The following LEKR1 variants were observed in gnomAD, a reference collection of about 807,000 sequenced individuals.
LEKR1 encodes protein LEKR1.
LEKR1 carries 59 observed loss-of-function variants against 72.4 expected under a neutral mutation model. That is an observed-to-expected ratio of 0.82 (90% CI 0.66 to 1.01). LEKR1 has a LOEUF of 1.01. Ranked by LOEUF, LEKR1 falls within the 50% of genes least tolerant of loss-of-function variation. The pLI is 0.00. For synonymous variants in LEKR1, 257 were observed against 263.2 expected (o/e 0.98, Z 0.23); for missense variants, 728 against 759.2 (o/e 0.96, Z 0.48).
At chr3:157,009,492 T>C (rs541811138) in intron 9 of LEKR1, among the ~76,000 whole-genome samples, 9 of 152,272 alleles carry the variant, frequency 5.9e-5, no homozygotes, top group Middle Eastern at 6.8e-3. Context: ...GTCAATTCCA[T>C]ATGAGCTGGA....
Position 157,017,948 on chromosome 3 carries a change from C to CAAAAAAAAAAAAAAAA in LEKR1, c.1203+6451_1203+6466dup, listed in dbSNP as rs58950224. ...TGGGCCACAGAGCGAGACTCTGTCT[C>CAAAAAAAAAAAAAAAA]AAAAAAAAAAAAAAAAAAAAAAAAG... On this transcript the variant is annotated intron_variant, in intron 10 of 12. Transcript: ENST00000356539. 4.9e-4 allele frequency among the ~76,000 whole-genome samples: 41 copies of CAAAAAAAAAAAAAAAA among 82,952 alleles called. 2 individuals carry two copies. The highest frequency in any genetic ancestry group is 2.8e-3 in the African/African-American group (38 of 13,798). 54.4% of individuals were successfully genotyped at this position (82,952 alleles called of 152,430 possible).
intron 7 of LEKR1, among the ~76,000 whole-genome samples, chr3:156,984,529 T>C (rs1730507353): frequency 6.6e-6 from 1 of 151,886 alleles, no homozygotes; most frequent in South Asian, 2.1e-4. Context: ...ATACAAAAAT[T>C]AGCCAGGCAT....
At chr3:156,868,904 G>A (rs914446972) in intron 3 of LEKR1, among the ~76,000 whole-genome samples, 12 of 151,694 alleles carry the variant, frequency 7.9e-5, no homozygotes, top group African/African-American at 2.2e-4. Flanking sequence ...CCATGAGATC[G>A]ACTTTTTTTG....
intron 1 of LEKR1, among the ~76,000 whole-genome samples, chr3:156,828,309 G>T (rs763031873): frequency 6.6e-6 from 1 of 152,072 alleles, no homozygotes; most frequent in Non-Finnish European, 1.5e-5. Context: ...TGTATGGCCG[G>T]GGTTGCTCTC....
intron 6 of LEKR1, among the ~76,000 whole-genome samples, chr3:156,968,418 G>A (rs1238998185): frequency 1.3e-5 from 2 of 152,124 alleles, no homozygotes; most frequent in African/African-American, 4.8e-5. Context: ...TCAAAATAAA[G>A]GGATGGAGGA....
At chr3:156,987,194 G>A (rs906601630) in intron 7 of LEKR1, among the ~76,000 whole-genome samples, 3 of 152,142 alleles carry the variant, frequency 2.0e-5, no homozygotes, top group Non-Finnish European at 2.9e-5. Flanking sequence ...AATGCTTAAA[G>A]AGATGTAGAC....
chr3:156,988,416 T>A lies in LEKR1; in HGVS notation c.828-4237T>A, dbSNP rs555015431. 1.4e-5 allele frequency: 3 copies of A among 218,900 alleles called. No individual in the cohort carries two copies. In the South Asian group the frequency reaches 2.6e-4, roughly 19 times the overall value. 13.6% of individuals were successfully genotyped at this position (218,900 alleles called of 1,614,324 possible). A position where few individuals can be genotyped will look rare whatever the true frequency, so the allele number is the denominator to read the frequency against. ...AGGGGATCCCAGTCATCGTGTCACC[T>A]GCAGGCAGCTGAGTCATGGCTTTTT... is the stretch of plus-strand genomic sequence containing the variant. On this transcript the variant is annotated intron_variant, in intron 7 of 12. Coordinates refer to ENST00000356539, the MANE Select transcript of LEKR1 (RefSeq NM_001004316.3).
In LEKR1 at chr3:156,979,269, T is replaced by A; in HGVS notation, c.821T>A (p.Met274Lys). 1 of 1,276,598 alleles carries A rather than the reference T, an allele frequency of 7.8e-7. No homozygotes were observed. Among genetic ancestry groups the A allele is most frequent in the South Asian group, 1.2e-5 (1 of 80,760 alleles). The allele number at this position is 1,276,598 out of a possible 1,614,324, so 79.1% of individuals were successfully genotyped here. A position where few individuals can be genotyped will look rare whatever the true frequency, so the allele number is the denominator to read the frequency against. ...AVTEMDNYKE[M>K]LMNKSNEADD... ...ACAGAGATGGACAACTATAAAGAAA[T>A]GCTTATGTAAGATGGAGAATATTAA... is the stretch of plus-strand genomic sequence containing the variant. The change falls in exon 7 of 13, where the codon ATG (methionine) becomes AAG (lysine). Residue 274 changes from methionine to lysine, a missense_variant. Physicochemically the swap from Met to Lys is moderately conservative, Grantham distance 95. Transcript: ENST00000356539.
At chr3:157,022,675 AC>A (rs2108032408) in intron 10 of LEKR1, among the ~76,000 whole-genome samples, 1 of 152,274 alleles carries the variant, frequency 6.6e-6, no homozygotes, top group South Asian at 2.1e-4. Context: ...CATTGGAGGC[AC>A]CTGTGAATTA....
intron 6 of LEKR1, among the ~76,000 whole-genome samples, chr3:156,946,282 ATGT>A (rs1350438741): frequency 1.3e-5 from 2 of 151,590 alleles, no homozygotes; most frequent in Non-Finnish European, 3.0e-5. Flanking sequence ...TGATTTTTGT[ATGT>A]TGATTCTGTA....
chr3:156,875,734 G>A (rs577059615), intron 3 of LEKR1, among the ~76,000 whole-genome samples: 1 of 152,096 alleles, frequency 6.6e-6, no homozygotes, highest in South Asian at 2.1e-4. Context: ...GGTGGCTCAC[G>A]CCTGTAATCC....
chr3:157,014,211 ATAAGCAAATTC>A (rs1164203748), intron 10 of LEKR1, among the ~76,000 whole-genome samples: 2 of 152,126 alleles, frequency 1.3e-5, no homozygotes. Flanking sequence ...TTTTAGTGCA[ATAAGCAAATTC>A]TAAGCAAATA....
chr3:156,934,189 T>G (rs1725495593), intron 5 of LEKR1, among the ~76,000 whole-genome samples: 1 of 152,248 alleles, frequency 6.6e-6, no homozygotes, highest in Admixed American at 6.5e-5. Flanking sequence ...ATGTGTTTAC[T>G]GCCAGTCTCC....
chr3:156,996,455 G>C (rs1342400432), intron 9 of LEKR1, among the ~76,000 whole-genome samples: 1 of 152,172 alleles, frequency 6.6e-6, no homozygotes, highest in African/African-American at 2.4e-5. Context: ...ATCATGCAGG[G>C]CCTTGCAGGC....
chr3:156,912,875 G>A lies in LEKR1; in HGVS notation c.264-7700G>A, dbSNP rs565769261. The stretch of plus-strand genomic sequence containing the variant: ...GCTGTGTAGGGTTAAGGCTACACAG[G>A]TTCCCTGGTATGAGTTTATATCCTG... On this transcript the variant is annotated intron_variant, in intron 3 of 12. Transcript: ENST00000356539. 4.1e-4 allele frequency among the ~76,000 whole-genome samples: 62 copies of A among 152,242 alleles called. No individual in the cohort carries two copies. The South Asian group carries it at 0.013, about 31-fold the overall frequency.
rs202202030 is a variant in LEKR1, at chr3:157,045,707, A to T, written c.2036A>T (p.Gln679Leu). 17 of 1,612,584 alleles carry T rather than the reference A, an allele frequency of 1.1e-5. No individual in the cohort carries two copies. Among genetic ancestry groups the T allele is most frequent in the Non-Finnish European group, 1.4e-5 (17 of 1,180,006 alleles). ...GGASSANETRQRLAAILRRRR... is the reference protein window; with the variant it reads ...GGASSANETRLRLAAILRRRR... ...GCATCTTCAGCAAATGAGACTAGAC[A>T]GAGACTGGCTGCCATTCTTAGGAGA... Residue 679 changes from glutamine (Q) to leucine (L), a missense_variant, in exon 13 of 13, where the codon CAG becomes CTG. Coordinates refer to ENST00000356539, the MANE Select transcript of LEKR1 (RefSeq NM_001004316.3).
At chr3:156,876,702 C>T (rs192900431) in intron 3 of LEKR1, among the ~76,000 whole-genome samples, 2 of 152,162 alleles carry the variant, frequency 1.3e-5, no homozygotes, top group Admixed American at 6.6e-5. Context: ...ACTCATTTAT[C>T]AGATCCAGGA....
chr3:156,930,019 T>C (rs1209047402), intron 5 of LEKR1, among the ~76,000 whole-genome samples: 6 of 152,124 alleles, frequency 3.9e-5, no homozygotes, highest in Admixed American at 2.6e-4. Flanking sequence ...GAAAGGAAGA[T>C]GAAAGGAGTG....
At chr3:157,042,418 T>C (rs190357099) in intron 12 of LEKR1, among the ~76,000 whole-genome samples, 2 of 152,206 alleles carry the variant, frequency 1.3e-5, no homozygotes, top group African/African-American at 4.8e-5. Flanking sequence ...GTGGAAACTA[T>C]AATCTGATCC....
Sources: allele counts gnomAD v4.1 joint callset (sites outside exome capture counted in the v4.1 genomes callset), GRCh38; gene constraint gnomAD v4.1.1; transcripts MANE v1.5; gene names NCBI Gene and HGNC (gene_info 2026-07-23, HGNC 2026-07-21).